SCFD2: variants seen among roughly 807,000 people sequenced by gnomAD.
SCFD2 encodes the protein sec1 family domain containing 2, also known as sec1 family domain-containing protein 2.
Under a neutral mutation model 58.9 loss-of-function variants are expected in SCFD2, and 54 were observed. The ratio of observed to expected loss-of-function variants is 0.92; its 90% CI spans 0.74 to 1.15. SCFD2 has a LOEUF of 1.15. Among genes scored for constraint, SCFD2 ranks in the 50% most tolerant of loss-of-function variants. The pLI, the probability that SCFD2 is intolerant of heterozygous loss-of-function variation, is 0.00. For missense variants in SCFD2, 805 were observed against 836.6 expected, an observed-to-expected ratio of 0.96 and a Z score of 0.47; for synonymous variants, 321 against 335.9, an observed-to-expected ratio of 0.96 and a Z score of 0.49.
At chr4:53,342,191 C>G (rs1225575309) in intron 2 of SCFD2, among the ~76,000 whole-genome samples, 1 of 152,142 alleles carries the variant, frequency 6.6e-6, no homozygotes, top group South Asian at 2.1e-4. Context: ...AGACCCATCA[C>G]TGTGCTGTAT....
At chr4:52,953,504 C>G (rs1052029294) in intron 5 of SCFD2, among the ~76,000 whole-genome samples, 1 of 152,180 alleles carries the variant, frequency 6.6e-6, no homozygotes, top group Non-Finnish European at 1.5e-5. Flanking sequence ...GAGGTTAGAT[C>G]GCTCTCTAAA....
intron 5 of SCFD2, among the ~76,000 whole-genome samples, chr4:53,103,547 T>C (rs546111461): frequency 1.4e-5 from 2 of 148,062 alleles, no homozygotes; most frequent in Non-Finnish European, 1.5e-5. Context: ...TTTTTATATA[T>C]ATTATATATA....
chr4:53,329,857 G>A (rs1733368867), intron 2 of SCFD2, among the ~76,000 whole-genome samples: 1 of 151,988 alleles, frequency 6.6e-6, no homozygotes, highest in East Asian at 1.9e-4. Flanking sequence ...AAAAAATTTA[G>A]AAGAATGTAT....
chr4:53,299,268 A>C (rs1732175624), intron 3 of SCFD2, among the ~76,000 whole-genome samples: 1 of 152,228 alleles, frequency 6.6e-6, no homozygotes, highest in Non-Finnish European at 1.5e-5. Flanking sequence ...ATGGAGCTGA[A>C]AACCACGGCA....
intron 8 of SCFD2, among the ~76,000 whole-genome samples, chr4:52,882,488 T>C (rs1256973154): frequency 2.0e-5 from 3 of 152,126 alleles, no homozygotes; most frequent in East Asian, 3.9e-4. Context: ...TGTGAAGGTG[T>C]TGCCAAAGGA....
intron 4 of SCFD2, among the ~76,000 whole-genome samples, chr4:53,218,689 C>G (rs564797380): frequency 6.6e-6 from 1 of 152,350 alleles, no homozygotes; most frequent in East Asian, 1.9e-4. Context: ...TGGCGACGAG[C>G]TGCATTCCTT....
chr4:53,296,885 T>C (rs1436404278), intron 3 of SCFD2, among the ~76,000 whole-genome samples: 2 of 152,232 alleles, frequency 1.3e-5, no homozygotes, highest in Non-Finnish European at 2.9e-5. Context: ...CCGCCTTTAT[T>C]TCCTTATTTA....
chr4:53,028,172 G>A (rs1259916094), intron 5 of SCFD2, among the ~76,000 whole-genome samples: 2 of 151,542 alleles, frequency 1.3e-5, no homozygotes, highest in African/African-American at 2.4e-5. Flanking sequence ...ACTTGAACCT[G>A]GGAGGCGGAG....
At chr4:53,211,926 C>A (rs1728625445) in intron 4 of SCFD2, among the ~76,000 whole-genome samples, 1 of 152,046 alleles carries the variant, frequency 6.6e-6, no homozygotes, top group Non-Finnish European at 1.5e-5. Context: ...GTTTGAGAAC[C>A]ACTGGCTTAG....
At chr4:53,337,219 G>A (rs1047546994) in intron 2 of SCFD2, among the ~76,000 whole-genome samples, 1 of 152,134 alleles carries the variant, frequency 6.6e-6, no homozygotes, top group Non-Finnish European at 1.5e-5. Context: ...GTGTTCACAT[G>A]GTCATCCTCT....
chr4:53,153,542 G>C (rs937619608), intron 4 of SCFD2, among the ~76,000 whole-genome samples: 4 of 152,196 alleles, frequency 2.6e-5, no homozygotes, highest in African/African-American at 9.7e-5. Context: ...CTCTGGCCCT[G>C]TAATGAGAGG....
chr4:53,306,593 A>G (rs1478182022), intron 3 of SCFD2, among the ~76,000 whole-genome samples: 1 of 152,168 alleles, frequency 6.6e-6, no homozygotes, highest in Non-Finnish European at 1.5e-5. Context: ...CAGGCAATCC[A>G]TTCATTCAAA....
chr4:53,261,585 G>C (rs1730830418), intron 4 of SCFD2, among the ~76,000 whole-genome samples: 1 of 152,104 alleles, frequency 6.6e-6, no homozygotes, highest in Non-Finnish European at 1.5e-5. Context: ...GTCTGAGAGA[G>C]TATCTACTAT....
At chr4:52,987,733 T>G (rs181942733) in intron 5 of SCFD2, among the ~76,000 whole-genome samples, 1 of 152,372 alleles carries the variant, frequency 6.6e-6, no homozygotes, top group East Asian at 1.9e-4. Flanking sequence ...TTCATTTACT[T>G]GACTTATTTT....
intron 3 of SCFD2, among the ~76,000 whole-genome samples, chr4:53,296,524 C>G (rs1289202789): frequency 1.3e-5 from 2 of 152,058 alleles, no homozygotes; most frequent in East Asian, 1.9e-4. Context: ...TGATTCTTCT[C>G]TCTTTTCTTC....
chr4:53,115,833 GCC>G (rs2148888122), intron 5 of SCFD2, among the ~76,000 whole-genome samples: 1 of 152,254 alleles, frequency 6.6e-6, no homozygotes, highest in African/African-American at 2.4e-5. Context: ...ACAATGCGAT[GCC>G]TGCTCCAGAA....
rs1432686651 is a variant in SCFD2 at position 53,207,515 on chromosome 4, TTA to T, written c.1312-61935_1312-61934del. On this transcript the variant is annotated intron_variant, in intron 4 of 8. Transcript: ENST00000401642. ...ATTTCATATATATATATTATATATA[TTA>T]TATATATAATATTTATATATTATAT... Among the ~76,000 whole-genome samples, 23 of 12,244 alleles carry T rather than the reference TTA, an allele frequency of 1.9e-3. 5 individuals are homozygous for T. The highest frequency in any genetic ancestry group is 6.5e-3 in the African/African-American group (20 of 3,068). The allele number at this position is 12,244 out of a possible 152,430, so 8.0% of individuals were successfully genotyped here. A position where few individuals can be genotyped will look rare whatever the true frequency, so the allele number is the denominator to read the frequency against.
chr4:53,251,543 A>G (rs915833407), intron 4 of SCFD2, among the ~76,000 whole-genome samples: 8 of 151,544 alleles, frequency 5.3e-5, no homozygotes, highest in African/African-American at 1.9e-4. Flanking sequence ...CCATGATCAA[A>G]TGGGCTTCAT....
chr4:53,236,813 T>A (rs936988919), intron 4 of SCFD2, among the ~76,000 whole-genome samples: 1 of 18,986 alleles, frequency 5.3e-5, no homozygotes, highest in African/African-American at 2.0e-4. Flanking sequence ...CACTGTTTTA[T>A]TTATTTATTT....
Sources: gnomAD v4.1 joint callset for allele counts (sites outside exome capture counted in the v4.1 genomes callset) on GRCh38, gnomAD v4.1.1 for gene constraint, MANE v1.5 for transcripts, NCBI Gene and HGNC (gene_info 2026-07-23, HGNC 2026-07-21) for gene names.